The following NUFIP1 variants were observed in gnomAD, a reference collection of about 807,000 sequenced individuals.
NUFIP1 encodes nuclear FMR1 interacting protein 1.
NUFIP1 carries 38 observed loss-of-function variants against 56.2 expected under a neutral mutation model. The ratio of observed to expected loss-of-function variants is 0.68; its 90% confidence interval spans 0.52 to 0.89. NUFIP1 has a LOEUF of 0.89. Among genes scored for constraint, NUFIP1 ranks in the 40% least tolerant of loss-of-function variants. The pLI, the probability that NUFIP1 is intolerant of heterozygous loss-of-function variation, is 0.00. For missense variants in NUFIP1, 567 were observed against 605.8 expected (o/e 0.94, Z 0.67); for synonymous variants, 215 against 212.4 (o/e 1.01, Z -0.10).
intron 8 of NUFIP1, among the ~76,000 whole-genome samples, chr13:44,944,962 T>G (rs1870862440): frequency 6.6e-6 from 1 of 152,042 alleles, no homozygotes; most frequent in African/African-American, 2.4e-5. Flanking sequence ...GAGAAAAGTC[T>G]AAAATCAATT....
intron 2 of NUFIP1, among the ~76,000 whole-genome samples, chr13:44,981,682 G>A (rs1032938130): frequency 1.4e-4 from 21 of 151,982 alleles, no homozygotes; most frequent in South Asian, 4.2e-4. Flanking sequence ...GTGGTGGTGC[G>A]CACCTGCAGT....
chr13:44,981,562 G>T (rs930920883), intron 2 of NUFIP1, among the ~76,000 whole-genome samples: 3 of 152,188 alleles, frequency 2.0e-5, no homozygotes, highest in Non-Finnish European at 4.4e-5. Context: ...CTTAATCCCA[G>T]CACTTTGGGA....
In NUFIP1 at chr13:44,989,154, C is replaced by T. The variant is rs562114435; in HGVS notation, c.283G>A (p.Ala95Thr). The change falls in exon 1 of 10, where the codon GCC becomes ACC. Residue 95 changes from alanine to threonine, a missense_variant. Coordinates refer to ENST00000379161, the MANE Select transcript of NUFIP1 (RefSeq NM_012345.3). Reference protein sequence around the residue: ...ILPGAQPPFDAQSPLDSQPQP... With the variant: ...ILPGAQPPFDTQSPLDSQPQP... ...GGCTGAGAATCAAGGGGAGACTGGG[C>T]GTCGAAGGGGGGTTGCGCCCCGGGA... 1.2e-6 allele frequency: 2 copies of T among 1,613,582 alleles called. No homozygotes were observed.
Position 44,979,833 on chromosome 13 carries a change from T to A in NUFIP1, c.657+57A>T, listed in dbSNP as rs1204476924. The A allele has an allele frequency of 5.6e-6, 7 of 1,250,652 alleles. No individual in the cohort carries two copies. The East Asian group carries it at 1.6e-4, about 29-fold the overall frequency. The allele number at this position is 1,250,652 out of a possible 1,614,324, so 77.5% of individuals were successfully genotyped here. On this transcript the variant is annotated intron_variant, in intron 4 of 9. Transcript: ENST00000379161. ...GTATATAAATAAACAGTTGTGAAGA[T>A]AACAGATCAATAAAAAGAGCATGTA...
chr13:44,969,496 T>C (rs1014556227), intron 5 of NUFIP1, among the ~76,000 whole-genome samples: 27 of 152,214 alleles, frequency 1.8e-4, no homozygotes, highest in Non-Finnish European at 1.5e-5. Flanking sequence ...ATGGATAATA[T>C]GAAGTTATAA....
chr13:44,950,557 G>A (rs2137895535), intron 7 of NUFIP1, among the ~76,000 whole-genome samples: 1 of 152,266 alleles, frequency 6.6e-6, no homozygotes, highest in African/African-American at 2.4e-5. Flanking sequence ...ATGTTGGCCA[G>A]GCTGGTCTCA....
intron 5 of NUFIP1, among the ~76,000 whole-genome samples, chr13:44,971,152 A>G (rs1242579691): frequency 6.6e-6 from 1 of 152,182 alleles, no homozygotes; most frequent in Non-Finnish European, 1.5e-5. Flanking sequence ...TGAGAAACAA[A>G]CTATGGAAGA....
intron 5 of NUFIP1, among the ~76,000 whole-genome samples, chr13:44,978,946 A>G (rs1872084717): frequency 6.6e-6 from 1 of 152,178 alleles, no homozygotes; most frequent in African/African-American, 2.4e-5. Flanking sequence ...TGAACATCTG[A>G]CAGGTGACAT....
chr13:44,952,006 T>C (rs141904637), intron 7 of NUFIP1, among the ~76,000 whole-genome samples: 38 of 152,344 alleles, frequency 2.5e-4, no homozygotes, highest in South Asian at 1.0e-3. Context: ...GGTATCAGCC[T>C]CGCATTTCAT....
intron 8 of NUFIP1, among the ~76,000 whole-genome samples, chr13:44,944,925 A>G (rs550339504): frequency 8.1e-4 from 124 of 152,216 alleles, no homozygotes; most frequent in African/African-American, 2.7e-3. Flanking sequence ...AGGTACATTT[A>G]TGGCTTTCAA....
At chr13:44,985,038 C>G (rs924114463) in intron 1 of NUFIP1, among the ~76,000 whole-genome samples, 1 of 152,152 alleles carries the variant, frequency 6.6e-6, no homozygotes, top group Non-Finnish European at 1.5e-5. Flanking sequence ...AGGATATGAA[C>G]TCATCATTTT....
At chr13:44,957,849 T>A (rs1205637359) in intron 7 of NUFIP1, among the ~76,000 whole-genome samples, 1 of 152,150 alleles carries the variant, frequency 6.6e-6, no homozygotes, top group East Asian at 1.9e-4. Flanking sequence ...TTACATAATT[T>A]TCAAATTAGT....
intron 1 of NUFIP1, among the ~76,000 whole-genome samples, chr13:44,983,444 T>G (rs1872267999): frequency 6.6e-6 from 1 of 151,342 alleles, no homozygotes; most frequent in African/African-American, 2.4e-5. Context: ...CCCAAAGTGC[T>G]GGGATTACAG....
At chr13:44,963,751 T>C (rs1436940959) in intron 6 of NUFIP1, among the ~76,000 whole-genome samples, 1 of 152,236 alleles carries the variant, frequency 6.6e-6, no homozygotes, top group Non-Finnish European at 1.5e-5. Flanking sequence ...TTGCCAGATT[T>C]GATTTGCTAA....
intron 7 of NUFIP1, among the ~76,000 whole-genome samples, chr13:44,952,815 A>G (rs1871124061): frequency 6.6e-6 from 1 of 152,216 alleles, no homozygotes. Flanking sequence ...AATCTGCTAT[A>G]CTACATTGCA....
chr13:44,955,970 C>T (rs1253518753), intron 7 of NUFIP1, among the ~76,000 whole-genome samples: 1 of 151,404 alleles, frequency 6.6e-6, no homozygotes. Flanking sequence ...GGTGAAACCC[C>T]GTCTCTACTA....
Position 44,983,466 on chromosome 13 carries a change from C to T in NUFIP1, c.413-1312G>A, listed in dbSNP as rs371621995. Among the ~76,000 whole-genome samples the T allele has an allele frequency of 1.8e-4, 28 of 151,810 alleles. No homozygotes were observed. In the East Asian group the frequency reaches 3.9e-3, roughly 21 times the overall value. On this transcript the variant is annotated intron_variant, in intron 1 of 9. Coordinates refer to ENST00000379161, the MANE Select transcript of NUFIP1 (RefSeq NM_012345.3). The stretch of plus-strand genomic sequence containing the variant: ...TGCTGGGATTACAGGCGTGAGCCAC[C>T]GCACCCAGCCCCCCGTCTCAAATAA...
chr13:44,958,793 A>AAGGCTAAATGATATC (rs1871326987), intron 7 of NUFIP1, among the ~76,000 whole-genome samples: 1 of 152,364 alleles, frequency 6.6e-6, no homozygotes, highest in Admixed American at 6.5e-5. Flanking sequence ...TGGAGTCTCA[A>AAGGCTAAATGATATC]AGGCTAAATG....
chr13:44,961,854 CTAATAAG>C (rs1436841961), intron 6 of NUFIP1, among the ~76,000 whole-genome samples: 2 of 152,176 alleles, frequency 1.3e-5, no homozygotes, highest in Non-Finnish European at 2.9e-5. Flanking sequence ...AAGGTATTCA[CTAATAAG>C]TAATGAGTTA....
Sources: gnomAD v4.1 joint callset for allele counts (sites outside exome capture counted in the v4.1 genomes callset) on GRCh38, gnomAD v4.1.1 for gene constraint, MANE v1.5 for transcripts, NCBI Gene and HGNC (gene_info 2026-07-23, HGNC 2026-07-21) for gene names.